The following KLHL28 variants were observed in gnomAD, a reference collection of about 807,000 sequenced individuals.
KLHL28 encodes the protein kelch like family member 28, also known as kelch-like protein 28.
Under a neutral mutation model 48.3 loss-of-function variants are expected in KLHL28, and 22 were observed. The ratio of observed to expected loss-of-function variants is 0.46; its 90% CI spans 0.33 to 0.65. The LOEUF (loss-of-function observed/expected upper bound fraction) is 0.65. KLHL28 is among the 30% of genes least tolerant of loss of function. KLHL28 has a pLI of 0.03. For missense variants in KLHL28, 527 were observed against 704.3 expected (o/e 0.75, Z 2.85); for synonymous variants, 243 against 242.4 (o/e 1.00, Z -0.02).
chr14:44,945,324 A>T lies in KLHL28; in HGVS notation c.605T>A (p.Leu202Ter). 6.2e-7 allele frequency: 1 copy of T among 1,614,090 alleles called. No homozygotes were observed. Among genetic ancestry groups the T allele is most frequent in the Non-Finnish European group, 8.5e-7 (1 of 1,179,962 alleles). ...VATEETVFYA[L>*]ESWIKYDVQE... ...TACATCATACTTGATCCAAGACTCT[A>T]ATGCATAAAAAACAGTCTCTTCGGT... Residue 202 changes from leucine (L) to a stop codon, truncating the protein, a stop_gained, in exon 2 of 5, where the codon TTA becomes TAA. Transcript: ENST00000396128. LOFTEE classifies it high-confidence loss of function.
In KLHL28 at chr14:44,945,052, C is replaced by A; in HGVS notation, c.877G>T (p.Gly293Ter). 6.2e-7 allele frequency: 1 copy of A among 1,605,370 alleles called. No individual in the cohort carries two copies. The highest frequency in any genetic ancestry group is 1.1e-5 in the South Asian group (1 of 90,752). ...KVLCAVGGKS[G>*]LFACLDSVEM... ...TACCTATCCAAACAGGCAAAGAGTC[C>A]AGATTTCCCTCCTACTGCACAAAGT... Residue 293 changes from glycine (G) to a stop codon, truncating the protein, a stop_gained, in exon 2 of 5, where the codon GGA becomes TGA. Transcript: ENST00000396128. LOFTEE classifies it high-confidence loss of function.
intron 2 of KLHL28, among the ~76,000 whole-genome samples, chr14:44,938,018 C>A (rs1883899102): frequency 1.3e-5 from 2 of 152,194 alleles, no homozygotes; most frequent in Non-Finnish European, 2.9e-5. Flanking sequence ...TTGGGGAACA[C>A]TTTCAAACCA....
rs1232019078 is a variant in KLHL28, at chr14:44,925,894, T to C, written c.*3134A>G. Reference sequence around the variant, plus strand: ...GCCTAACAGATTAAGTTGTTATAATTATAGAAGGCAAGTATCTTGCAACTG... The same window carrying C: ...GCCTAACAGATTAAGTTGTTATAATCATAGAAGGCAAGTATCTTGCAACTG... On this transcript the variant is annotated 3_prime_UTR_variant, in exon 5 of 5. Transcript: ENST00000396128. 6.6e-6 allele frequency: 1 copy of C among 152,220 alleles called. No individual in the cohort carries two copies. The highest frequency in any genetic ancestry group is 2.4e-5 in the African/African-American group (1 of 41,466). The allele number at this position is 152,220 out of a possible 1,614,324, so 9.4% of individuals were successfully genotyped here.
At chr14:44,948,357 G>A (rs969399240) in intron 1 of KLHL28, among the ~76,000 whole-genome samples, 5 of 152,072 alleles carry the variant, frequency 3.3e-5, no homozygotes, top group Non-Finnish European at 7.4e-5. Context: ...GCAGTGAGGC[G>A]ATAGAGATAA....
In KLHL28 at chr14:44,935,890, G is replaced by GTGTATATATATATATATATATATATATA. The variant is rs1555337906; in HGVS notation, c.900-1333_900-1332insTATATATATATATATATATATATATACA. 1.0e-3 allele frequency among the ~76,000 whole-genome samples: 59 copies of GTGTATATATATATATATATATATATATA among 59,140 alleles called. 3 individuals are homozygous for GTGTATATATATATATATATATATATATA. The highest frequency in any genetic ancestry group is 2.9e-3 in the South Asian group (4 of 1,400). The allele number at this position is 59,140 out of a possible 152,430, so 38.8% of individuals were successfully genotyped here. ...TATGTGTATGTATATATATATGTGT[G>GTGTATATATATATATATATATATATATA]TATATATATATATCTTTACCCTCCC... On this transcript the variant is annotated intron_variant, in intron 2 of 4. Transcript: ENST00000396128.
chr14:44,944,593 T>C (rs2138627705), intron 2 of KLHL28, among the ~76,000 whole-genome samples: 1 of 152,364 alleles, frequency 6.6e-6, no homozygotes, highest in Non-Finnish European at 1.5e-5. Flanking sequence ...GTAGCACTTC[T>C]AGTGAACTGT....
intron 2 of KLHL28, among the ~76,000 whole-genome samples, chr14:44,935,890 G>GTGTGTATATATATATATATATATATATA (rs1555337906): frequency 1.7e-5 from 1 of 59,146 alleles, no homozygotes; most frequent in South Asian, 7.1e-4. Context: ...ATATATGTGT[G>GTGTGTATATATATATATATATATATATA]TATATATATA....
chr14:44,948,720 T>C (rs1195818480), intron 1 of KLHL28, among the ~76,000 whole-genome samples: 1 of 152,136 alleles, frequency 6.6e-6, no homozygotes, highest in Non-Finnish European at 1.5e-5. Flanking sequence ...ACTATAGCTC[T>C]ATATAAAACT....
intron 1 of KLHL28, among the ~76,000 whole-genome samples, chr14:44,951,265 G>A (rs1003078040): frequency 1.3e-5 from 2 of 152,136 alleles, no homozygotes; most frequent in Non-Finnish European, 2.9e-5. Context: ...TGGAAAATTG[G>A]GAGATGACCT....
intron 1 of KLHL28, among the ~76,000 whole-genome samples, chr14:44,954,889 C>T (rs1021640122): frequency 6.6e-6 from 1 of 152,150 alleles, no homozygotes; most frequent in South Asian, 2.1e-4. Flanking sequence ...AGTGGCCTTA[C>T]CATACCATTC....
chr14:44,945,692 T>C lies in KLHL28; in HGVS notation c.237A>G (p.Gln79=), dbSNP rs747401424. ...CCTGGAGAGCAGTTTCATCAATGCA[T>C]TGAAACTCAACCTCACTGTTCTCTT... ...SEKENSEVEF[Q]CIDETALQAI... is the part of the protein sequence containing the mutation. Residue 79 remains glutamine (Q), a synonymous_variant, in exon 2 of 5, where the codon CAA becomes CAG. Coordinates refer to ENST00000396128, the MANE Select transcript of KLHL28 (RefSeq NM_017658.5). The C allele has an allele frequency of 1.2e-5, 19 of 1,614,034 alleles. No homozygotes were observed. Among genetic ancestry groups the C allele is most frequent in the African/African-American group, 4.0e-5 (3 of 74,920 alleles).
intron 1 of KLHL28, among the ~76,000 whole-genome samples, chr14:44,957,940 C>T (rs1884860379): frequency 1.3e-5 from 2 of 151,878 alleles, no homozygotes; most frequent in Non-Finnish European, 2.9e-5. Context: ...AATAAATACA[C>T]ATTAGATACA....
chr14:44,930,676 C>T (rs1464052331), intron 4 of KLHL28, among the ~76,000 whole-genome samples: 3 of 152,142 alleles, frequency 2.0e-5, no homozygotes, highest in Non-Finnish European at 2.9e-5. Flanking sequence ...AAGCATAATT[C>T]AAATATTCCA....
At position 44,934,422 on chromosome 14, in the gene KLHL28, C is replaced by T. The variant is rs768096920; in HGVS notation, c.1036G>A (p.Gly346Ser). The T allele has an allele frequency of 1.2e-6, 2 of 1,614,086 alleles. No individual in the cohort carries two copies. The highest frequency in any genetic ancestry group is 1.7e-5 in the Admixed American group (1 of 60,022). The stretch of plus-strand genomic sequence containing the variant: ...TTTTCATGTTTTCTGATAGTGACGC[C>T]AGGACGCACATTAGTTGCAATACCA... ...IGGIATNVRP[G>S]VTIRKHENSV... is the part of the protein sequence containing the mutation. The change falls in exon 3 of 5, where the codon GGC becomes AGC. Residue 346 changes from glycine (G) to serine (S), a missense_variant. Transcript: ENST00000396128.
intron 1 of KLHL28, among the ~76,000 whole-genome samples, chr14:44,951,125 A>G (rs1884562177): frequency 6.6e-6 from 1 of 152,248 alleles, no homozygotes. Flanking sequence ...ACTATGGCTA[A>G]GCAGTTTTCT....
At chr14:44,953,353 TA>T (rs1385939122) in intron 1 of KLHL28, among the ~76,000 whole-genome samples, 1 of 152,184 alleles carries the variant, frequency 6.6e-6, no homozygotes, top group Non-Finnish European at 1.5e-5. Flanking sequence ...AATATTAGAA[TA>T]AAATACGGGT....
intron 2 of KLHL28, among the ~76,000 whole-genome samples, chr14:44,935,890 G>GTATATATATATATATATATATATATA (rs139707349): frequency 0.11 from 6,261 of 58,690 alleles, 1,494 homozygotes; most frequent in South Asian, 0.18. Context: ...ATATATGTGT[G>GTATATATATATATATATATATATATA]TATATATATA....
chr14:44,939,099 G>T (rs978902472), intron 2 of KLHL28, among the ~76,000 whole-genome samples: 3 of 152,204 alleles, frequency 2.0e-5, no homozygotes, highest in Non-Finnish European at 2.9e-5. Context: ...CTTACTACTT[G>T]TGCCTTCTAG....
chr14:44,942,634 C>T (rs1884152036), intron 2 of KLHL28, among the ~76,000 whole-genome samples: 1 of 151,858 alleles, frequency 6.6e-6, no homozygotes, highest in Non-Finnish European at 1.5e-5. Flanking sequence ...TTCTGAATAC[C>T]AATTAGCTTT....
Sources: gnomAD v4.1 joint callset for allele counts (sites outside exome capture counted in the v4.1 genomes callset) on GRCh38, gnomAD v4.1.1 for gene constraint, MANE v1.5 for transcripts, NCBI Gene and HGNC (gene_info 2026-07-23, HGNC 2026-07-21) for gene names.